The following TMOD1 variants were observed in gnomAD, a reference collection of about 807,000 sequenced individuals.
TMOD1 encodes the protein tropomodulin-1.
TMOD1 carries 17 observed loss-of-function variants against 40.6 expected under a neutral mutation model. That is an observed-to-expected ratio of 0.42 (90% CI 0.29 to 0.63). TMOD1 has a LOEUF of 0.63. Among genes scored for constraint, TMOD1 ranks in the 20% least tolerant of loss-of-function variants. The pLI is 0.22. For missense variants in TMOD1, 391 were observed against 447.6 expected (o/e 0.87, Z 1.14); for synonymous variants, 181 against 175.0 (o/e 1.03, Z -0.27).
In TMOD1 at chr9:97,600,873, G is replaced by A. The variant is rs892082026; in HGVS notation, c.*1175G>A. On this transcript the variant is annotated 3_prime_UTR_variant, in exon 10 of 10. Transcript: ENST00000259365. Reference sequence around the variant, plus strand: ...AAAAGTGTTAAGCCACAATGCCCTTGTGCCTTTTAATATACCACAGTGCCA... The same window carrying A: ...AAAAGTGTTAAGCCACAATGCCCTTATGCCTTTTAATATACCACAGTGCCA... 9.0e-6 allele frequency: 10 copies of A among 1,116,562 alleles called. No individual in the cohort carries two copies. Among genetic ancestry groups the A allele is most frequent in the Non-Finnish European group, 7.8e-6 (7 of 902,026 alleles). The allele number at this position is 1,116,562 out of a possible 1,614,324, so 69.2% of individuals were successfully genotyped here.
Position 97,600,230 on chromosome 9 carries a change from T to C in TMOD1, c.*532T>C, listed in dbSNP as rs1587971444. On this transcript the variant is annotated 3_prime_UTR_variant, in exon 10 of 10. Transcript: ENST00000259365. ...GATTACTGGATCCAGAACACAATTT[T>C]CCCCTCAGAACAGATAGACAGACTG... 1 of 993,070 alleles carries C rather than the reference T, an allele frequency of 1.0e-6. No individual in the cohort carries two copies. The highest frequency in any genetic ancestry group is 1.2e-6 in the Non-Finnish European group (1 of 833,774). 61.5% of individuals were successfully genotyped at this position (993,070 alleles called of 1,614,324 possible).
Position 97,565,913 on chromosome 9 carries a change from G to C in TMOD1, c.684G>C (p.Lys228Asn). 6.2e-7 allele frequency: 1 copy of C among 1,614,234 alleles called. No individual in the cohort carries two copies. The highest frequency in any genetic ancestry group is 8.5e-7 in the Non-Finnish European group (1 of 1,180,042). The part of the protein sequence containing the change: ...EALKENSYVK[K>N]FSIVGTRSND... Reference sequence around the variant, plus strand: ...TGAAAGAAAACTCATATGTGAAGAAGTTCAGCATCGTGGGGACACGGAGTA... The same window carrying C: ...TGAAAGAAAACTCATATGTGAAGAACTTCAGCATCGTGGGGACACGGAGTA... The change falls in exon 7 of 10, where the codon AAG becomes AAC. Residue 228 changes from lysine (K) to asparagine (N), a missense_variant. By Grantham distance (94) the Lys-to-Asn change is moderately conservative. Transcript: ENST00000259365.
intron 4 of TMOD1, among the ~76,000 whole-genome samples, chr9:97,559,854 CAGAGATTCTG>C (rs1830611087): frequency 8.8e-6 from 1 of 113,500 alleles, no homozygotes; most frequent in Non-Finnish European, 1.7e-5. Context: ...TATCTATCTC[CAGAGATTCTG>C]ATTGGTTGGT....
intron 9 of TMOD1, among the ~76,000 whole-genome samples, chr9:97,596,558 A>G (rs1337615991): frequency 6.6e-6 from 1 of 152,210 alleles, no homozygotes; most frequent in Non-Finnish European, 1.5e-5. Flanking sequence ...GGAAGTAGGT[A>G]ATTAACATTA....
At chr9:97,536,829 C>T (rs1245957364) in intron 2 of TMOD1, among the ~76,000 whole-genome samples, 3 of 152,122 alleles carry the variant, frequency 2.0e-5, no homozygotes, top group African/African-American at 7.2e-5. Flanking sequence ...AACCTGGGAC[C>T]GCCAGAGCCC....
intron 8 of TMOD1, among the ~76,000 whole-genome samples, chr9:97,589,446 AT>A (rs748190964): frequency 0.017 from 2,238 of 132,862 alleles, 40 homozygotes; most frequent in African/African-American, 0.049. Flanking sequence ...TACTTTTTGT[AT>A]TTTTTTTTTT....
intron 4 of TMOD1, among the ~76,000 whole-genome samples, chr9:97,556,676 G>C (rs1364383527): frequency 6.6e-6 from 1 of 152,198 alleles, no homozygotes. Flanking sequence ...CCCTCACAGA[G>C]TCTACATTAA....
At chr9:97,522,472 A>G (rs1233504232) in intron 1 of TMOD1, among the ~76,000 whole-genome samples, 1 of 152,194 alleles carries the variant, frequency 6.6e-6, no homozygotes, top group Non-Finnish European at 1.5e-5. Flanking sequence ...ATTTCCAGGT[A>G]AGGTCACATT....
chr9:97,524,208 T>G lies in TMOD1; in HGVS notation c.20T>G (p.Leu7Arg). The G allele has an allele frequency of 1.2e-6, 2 of 1,614,072 alleles. No individual in the cohort carries two copies. The highest frequency in any genetic ancestry group is 1.7e-6 in the Non-Finnish European group (2 of 1,179,998). The change falls in exon 2 of 10, where the codon CTA becomes CGA. Residue 7 changes from leucine (L) to arginine (R), a missense_variant. Leu to Arg is a moderately radical substitution (Grantham distance 102). Transcript: ENST00000259365. ...TCCACGATGTCGTACAGACGAGAAC[T>G]AGAGAAATACCGTGACCTGGATGAA... The part of the protein sequence containing the change: MSYRRE[L>R]EKYRDLDEDE...
chr9:97,504,788 G>A (rs1055519020), intron 1 of TMOD1, among the ~76,000 whole-genome samples: 3 of 152,112 alleles, frequency 2.0e-5, no homozygotes, highest in Non-Finnish European at 4.4e-5. Context: ...TGCTGAGCCC[G>A]GTCGTAATGG....
chr9:97,523,358 C>T (rs1417541402), intron 1 of TMOD1, among the ~76,000 whole-genome samples: 3 of 152,184 alleles, frequency 2.0e-5, no homozygotes, highest in South Asian at 4.1e-4. Flanking sequence ...CAAACCAATT[C>T]TTCCCTCTGA....
intron 2 of TMOD1, among the ~76,000 whole-genome samples, chr9:97,545,500 C>T (rs891047889): frequency 6.6e-6 from 1 of 152,178 alleles, no homozygotes; most frequent in African/African-American, 2.4e-5. Context: ...ATACCCATCT[C>T]CAGGGGCGAC....
chr9:97,544,265 T>C (rs908980082), intron 2 of TMOD1, among the ~76,000 whole-genome samples: 57 of 152,130 alleles, frequency 3.7e-4, no homozygotes, highest in African/African-American at 1.3e-3. Flanking sequence ...AGGCCAGATG[T>C]GGTGGTTCAT....
At chr9:97,539,904 G>A (rs1167365806) in intron 2 of TMOD1, among the ~76,000 whole-genome samples, 2 of 148,512 alleles carry the variant, frequency 1.3e-5, no homozygotes, top group Non-Finnish European at 3.0e-5. Flanking sequence ...GGTGGGGAGC[G>A]GAGCTTGCAG....
intron 3 of TMOD1, among the ~76,000 whole-genome samples, chr9:97,551,561 T>A (rs557720663): frequency 6.6e-6 from 1 of 152,348 alleles, no homozygotes; most frequent in South Asian, 2.1e-4. Flanking sequence ...TCATTGTCTA[T>A]CTATCTATCC....
At chr9:97,528,952 C>G (rs763504937) in intron 2 of TMOD1, among the ~76,000 whole-genome samples, 2 of 152,242 alleles carry the variant, frequency 1.3e-5, no homozygotes, top group Non-Finnish European at 2.9e-5. Context: ...ATTTGACCAT[C>G]ATCATGATCC....
chr9:97,594,708 C>T (rs896899485), intron 9 of TMOD1, among the ~76,000 whole-genome samples: 3 of 152,250 alleles, frequency 2.0e-5, no homozygotes, highest in African/African-American at 7.2e-5. Context: ...CCTCCCCACC[C>T]TGGGCACCAA....
intron 7 of TMOD1, among the ~76,000 whole-genome samples, chr9:97,566,842 T>C (rs1399046012): frequency 4.8e-5 from 7 of 145,196 alleles, no homozygotes; most frequent in African/African-American, 1.7e-4. Flanking sequence ...CCAGCACATA[T>C]GTATTGAGAG....
At chr9:97,585,616 A>C (rs2131286468) in intron 8 of TMOD1, among the ~76,000 whole-genome samples, 1 of 142,946 alleles carries the variant, frequency 7.0e-6, no homozygotes, top group South Asian at 2.2e-4. Context: ...ACTTGGTTCC[A>C]TTCTCCCCAT....
Sources: allele counts gnomAD v4.1 joint callset (sites outside exome capture counted in the v4.1 genomes callset), GRCh38; gene constraint gnomAD v4.1.1; transcripts MANE v1.5; gene names NCBI Gene and HGNC (gene_info 2026-07-23, HGNC 2026-07-21).